Variants in RGS7 observed in about 807,000 individuals in gnomAD.
The protein encoded by RGS7 is regulator of G-protein signaling 7.
Under a neutral mutation model 81.1 loss-of-function variants are expected in RGS7, and 27 were observed. That is an observed-to-expected ratio of 0.33 (90% CI 0.25 to 0.46). RGS7 has a LOEUF of 0.46. Ranked by LOEUF, RGS7 falls within the 20% of genes least tolerant of loss-of-function variation. The pLI is 1.00. For synonymous variants in RGS7, 208 were observed against 207.7 expected, an observed-to-expected ratio of 1.00 and a Z score of -0.01; for missense variants, 396 against 607.4, an observed-to-expected ratio of 0.65 and a Z score of 3.66.
Position 241,188,403 on chromosome 1 carries a change from G to A in RGS7, c.79-89641C>T, listed in dbSNP as rs1314719101. Among the ~76,000 whole-genome samples the A allele has an allele frequency of 2.0e-5, 3 of 151,418 alleles. No homozygotes were observed. The East Asian group carries it at 5.8e-4, about 29-fold the overall frequency. On this transcript the variant is annotated intron_variant, in intron 2 of 18. Transcript: ENST00000440928. ...AATCTACTTTTTAAATAGTTGAGTG[G>A]GTTTTCAGAAAAAAAAGTATTCAAT...
intron 9 of RGS7, among the ~76,000 whole-genome samples, chr1:240,849,163 G>T (rs1013256227): frequency 6.6e-6 from 1 of 152,122 alleles, no homozygotes; most frequent in African/African-American, 2.4e-5. Flanking sequence ...CCAGAGAGGT[G>T]TATCTCTTAA....
At chr1:240,781,102 A>G (rs1683980684) in intron 18 of RGS7, among the ~76,000 whole-genome samples, 1 of 152,070 alleles carries the variant, frequency 6.6e-6, no homozygotes, top group South Asian at 2.1e-4. Flanking sequence ...CAAATCCTCA[A>G]AGCTACTAGT....
At chr1:240,986,007 T>G (rs923826638) in intron 3 of RGS7, among the ~76,000 whole-genome samples, 1 of 151,422 alleles carries the variant, frequency 6.6e-6, no homozygotes, top group Non-Finnish European at 1.5e-5. Context: ...CTGGGTCTGC[T>G]GAAGTTTTTC....
chr1:240,848,356 A>G (rs1163498059), intron 9 of RGS7, among the ~76,000 whole-genome samples: 1 of 152,166 alleles, frequency 6.6e-6, no homozygotes, highest in African/African-American at 2.4e-5. Flanking sequence ...ATCTTACATG[A>G]AAAAATAAAT....
At chr1:240,790,077 C>T (rs762284085) in intron 18 of RGS7, among the ~76,000 whole-genome samples, 65 of 152,106 alleles carry the variant, frequency 4.3e-4, no homozygotes, top group African/African-American at 8.0e-4. Flanking sequence ...TGTGAAATAT[C>T]GGGGGTGAAT....
chr1:240,921,826 TC>T (rs1319126363), intron 6 of RGS7, among the ~76,000 whole-genome samples: 1 of 152,080 alleles, frequency 6.6e-6, no homozygotes. Flanking sequence ...GTGAGTTCTT[TC>T]CAACTTGACC....
At chr1:241,146,670 T>A (rs567556376) in intron 2 of RGS7, among the ~76,000 whole-genome samples, 1 of 152,266 alleles carries the variant, frequency 6.6e-6, no homozygotes, top group South Asian at 2.1e-4. Flanking sequence ...TCCCCAGAGG[T>A]CACTCATTGC....
intron 3 of RGS7, among the ~76,000 whole-genome samples, chr1:241,019,401 C>A (rs1176758324): frequency 6.6e-6 from 1 of 151,910 alleles, no homozygotes; most frequent in Non-Finnish European, 1.5e-5. Flanking sequence ...TACATGTGCG[C>A]AACATGCAGG....
intron 3 of RGS7, among the ~76,000 whole-genome samples, chr1:241,050,753 C>CCA (rs1449261487): frequency 6.6e-6 from 1 of 152,152 alleles, no homozygotes; most frequent in Non-Finnish European, 1.5e-5. Flanking sequence ...TTATGATGAT[C>CCA]CACTTCTACT....
intron 2 of RGS7, among the ~76,000 whole-genome samples, chr1:241,351,400 C>A (rs1436097119): frequency 2.8e-5 from 4 of 144,616 alleles, no homozygotes; most frequent in Non-Finnish European, 6.0e-5. Context: ...GCCTGGTCAA[C>A]AGAGCAATAC....
rs113162000 is a variant in RGS7 at position 241,282,281 on chromosome 1, T to G, written c.78+73418A>C. Reference sequence around the variant, plus strand: ...TTTTCTGTTCCTGTATTAATTTGCTTAGGATAATGGCCTCCAGCTGCATCC... The same window carrying G: ...TTTTCTGTTCCTGTATTAATTTGCTGAGGATAATGGCCTCCAGCTGCATCC... On this transcript the variant is annotated intron_variant, in intron 2 of 18. Transcript: ENST00000440928. Among the ~76,000 whole-genome samples, 714 of 152,302 alleles carry G rather than the reference T, an allele frequency of 4.7e-3. 4 individuals are homozygous for G. The highest frequency in any genetic ancestry group is 0.016 in the African/African-American group (664 of 41,576).
chr1:240,782,005 A>G lies in RGS7; in HGVS notation c.*7-5792T>C, dbSNP rs183652066. Among the ~76,000 whole-genome samples, 13 of 147,464 alleles carry G rather than the reference A, an allele frequency of 8.8e-5. No homozygotes were observed. In the East Asian group the frequency reaches 2.4e-3, roughly 27 times the overall value. Reference sequence around the variant, plus strand: ...ACTCCAGCCTGGGCAATAGAGTGAGACTCCGTCTCAAAAAAAAAAAAAGAG... The same window carrying G: ...ACTCCAGCCTGGGCAATAGAGTGAGGCTCCGTCTCAAAAAAAAAAAAAGAG... On this transcript the variant is annotated intron_variant, in intron 18 of 18. Coordinates refer to ENST00000440928, the MANE Select transcript of RGS7 (RefSeq NM_001364886.1).
rs552912277 is a variant in RGS7 at position 240,866,322 on chromosome 1, T to TG, written c.609+2264_609+2265insC. Among the ~76,000 whole-genome samples, 550 of 152,166 alleles carry TG rather than the reference T, an allele frequency of 3.6e-3. 2 individuals are homozygous for TG. Among genetic ancestry groups the TG allele is most frequent in the Admixed American group, 6.3e-3 (96 of 15,286 alleles). On this transcript the variant is annotated intron_variant, in intron 9 of 18. Coordinates refer to ENST00000440928, the MANE Select transcript of RGS7 (RefSeq NM_001364886.1). ...GTCAGGAGATCGAGATCATCCTTGCTAACACGGTGAAACCCCGTCTCTACT... is the reference window on the plus strand; with the variant it reads ...GTCAGGAGATCGAGATCATCCTTGCTGAACACGGTGAAACCCCGTCTCTACT...
intron 2 of RGS7, among the ~76,000 whole-genome samples, chr1:241,145,516 G>A (rs1040713264): frequency 2.6e-5 from 4 of 152,128 alleles, no homozygotes; most frequent in African/African-American, 7.2e-5. Flanking sequence ...TGGGCCAGAC[G>A]TGATGGTTCA....
chr1:240,870,144 T>G (rs1664221498), intron 6 of RGS7, 25 bp from the exon 7 acceptor site: 2 of 1,606,920 alleles, frequency 1.2e-6, no homozygotes, highest in Non-Finnish European at 8.5e-7. Flanking sequence ...AATCATTTCT[T>G]GCCTGCTTAT....
In RGS7 at chr1:241,315,765, G is replaced by A. The variant is rs77918528; in HGVS notation, c.78+39934C>T. ...AGAAGTGTCAACAGTAGGCATCCTCGTCTTTTTTTCTGATCTTAGAGAAAA... is the reference window on the plus strand; with the variant it reads ...AGAAGTGTCAACAGTAGGCATCCTCATCTTTTTTTCTGATCTTAGAGAAAA... On this transcript the variant is annotated intron_variant, in intron 2 of 18. Transcript: ENST00000440928. 9.6e-3 allele frequency among the ~76,000 whole-genome samples: 1,454 copies of A among 152,234 alleles called. 11 individuals carry two copies. Among genetic ancestry groups the A allele is most frequent in the Non-Finnish European group, 0.014 (945 of 67,994 alleles).
intron 2 of RGS7, among the ~76,000 whole-genome samples, chr1:241,238,871 C>T (rs554937082): frequency 2.8e-4 from 42 of 151,996 alleles, no homozygotes; most frequent in African/African-American, 9.2e-4. Flanking sequence ...CACTAAAGAG[C>T]CTGATGAACT....
intron 3 of RGS7, among the ~76,000 whole-genome samples, chr1:241,075,173 C>T (rs1430693495): frequency 6.6e-6 from 1 of 151,936 alleles, no homozygotes; most frequent in Non-Finnish European, 1.5e-5. Context: ...TTAAAGGCTG[C>T]CAAAAAAAGA....
At chr1:241,074,644 A>C (rs1002199027) in intron 3 of RGS7, among the ~76,000 whole-genome samples, 2 of 152,164 alleles carry the variant, frequency 1.3e-5, no homozygotes, top group African/African-American at 4.8e-5. Context: ...GTTCTAGCGA[A>C]AGTACTGGCC....
Sources: allele counts gnomAD v4.1 joint callset (sites outside exome capture counted in the v4.1 genomes callset), GRCh38; gene constraint gnomAD v4.1.1; transcripts MANE v1.5; gene names NCBI Gene and HGNC (gene_info 2026-07-23, HGNC 2026-07-21).